Variants in GSE1 observed in about 807,000 individuals in gnomAD.
GSE1 encodes Gse1 coiled-coil protein.
GSE1 carries 32 observed loss-of-function variants against 112.6 expected under a neutral mutation model. The ratio of observed to expected loss-of-function variants is 0.28; its 90% confidence interval spans 0.21 to 0.38. GSE1 has a LOEUF of 0.38. GSE1 is among the 10% of genes least tolerant of loss of function. GSE1 has a pLI of 1.00. For missense variants in GSE1, 2,348 were observed against 1,699.2 expected (o/e 1.38, Z -6.71); for synonymous variants, 1,115 against 735.6 (o/e 1.52, Z -8.35).
At chr16:85,325,233 T>A in intron 1 of GSE1, among the ~76,000 whole-genome samples, 1 of 152,018 alleles carries the variant, frequency 6.6e-6, no homozygotes, top group Non-Finnish European at 1.5e-5. Flanking sequence ...TCTCTCAAAG[T>A]ACTTGGATTA....
At chr16:85,221,005 C>CA (rs1308127579) in intron 1 of GSE1, among the ~76,000 whole-genome samples, 2 of 151,170 alleles carry the variant, frequency 1.3e-5, no homozygotes, top group Non-Finnish European at 2.9e-5. Flanking sequence ...GGAGAACAGC[C>CA]AAGCCTTTGT....
chr16:85,663,257 T>C, intron 10 of GSE1, 87 bp from the exon 11 acceptor site: 1 of 1,473,506 alleles, frequency 6.8e-7, no homozygotes, highest in Non-Finnish European at 9.3e-7. Context: ...GGCCCACACT[T>C]CGAGGACCCC....
chr16:85,344,901 T>C (rs1468169348), intron 1 of GSE1, among the ~76,000 whole-genome samples: 5 of 152,264 alleles, frequency 3.3e-5, no homozygotes, highest in African/African-American at 1.2e-4. Flanking sequence ...TTCAGGCAGA[T>C]GCAGGTGACC....
In GSE1 at chr16:85,535,931, G is replaced by A. The variant is rs562734356; in HGVS notation, c.2465-97983G>A. Among the ~76,000 whole-genome samples, 20 of 152,352 alleles carry A rather than the reference G, an allele frequency of 1.3e-4. No individual in the cohort carries two copies. In the East Asian group the frequency reaches 1.5e-3, roughly 12 times the overall value. On this transcript the variant is annotated intron_variant, in intron 2 of 2. Transcript: ENST00000637419. ...TTCATTGGGCACCTGCTGTATACCCGGAAAGCATTTATTGAGCACCTGCCA... is the reference window on the plus strand; with the variant it reads ...TTCATTGGGCACCTGCTGTATACCCAGAAAGCATTTATTGAGCACCTGCCA...
At chr16:85,416,862 T>TG (rs1260947371) in intron 2 of GSE1, among the ~76,000 whole-genome samples, 8 of 151,852 alleles carry the variant, frequency 5.3e-5, no homozygotes, top group Non-Finnish European at 7.4e-5. Context: ...TTTGTTTGTT[T>TG]TTTTGTTTTT....
At chr16:85,502,698 A>G (rs369318977) in intron 2 of GSE1, among the ~76,000 whole-genome samples, 4 of 152,194 alleles carry the variant, frequency 2.6e-5, no homozygotes, top group Non-Finnish European at 5.9e-5. Context: ...GCCGACCTGC[A>G]GGGGAGCCTG....
intron 1 of GSE1, among the ~76,000 whole-genome samples, chr16:85,291,342 A>C (rs1373938149): frequency 6.6e-6 from 1 of 152,180 alleles, no homozygotes. Flanking sequence ...CCCGCTCTGC[A>C]GAAGGGCGCC....
chr16:85,551,504 G>A (rs900650820), upstream of GSE1, among the ~76,000 whole-genome samples: 5 of 152,346 alleles, frequency 3.3e-5, no homozygotes, highest in East Asian at 3.9e-4. Context: ...CCGCTACCCC[G>A]TTCAGCCACA....
chr16:85,221,862 G>A (rs1230234932), intron 1 of GSE1, among the ~76,000 whole-genome samples: 5 of 152,194 alleles, frequency 3.3e-5, no homozygotes, highest in African/African-American at 1.2e-4. Flanking sequence ...CCCGCTTGGA[G>A]CCCTCATGTT....
At chr16:85,672,350 G>A in intron 15 of GSE1, 55 bp from the exon 16 acceptor site, 3 of 1,415,668 alleles carry the variant, frequency 2.1e-6, no homozygotes, top group East Asian at 2.3e-5. Context: ...TACTCTACAT[G>A]CTTGTCCTTA....
intron 9 of GSE1, chr16:85,662,392 A>G (rs901479048): frequency 1.3e-5 from 2 of 153,594 alleles, no homozygotes; most frequent in Non-Finnish European, 2.9e-5. Context: ...GGTCCTGTCC[A>G]GTGCTGAGCT....
intron 1 of GSE1, among the ~76,000 whole-genome samples, chr16:85,563,349 C>G (rs2045607340): frequency 1.3e-5 from 2 of 152,180 alleles, no homozygotes; most frequent in African/African-American, 4.8e-5. Context: ...GAAAAAAAAT[C>G]AGTGAGAATT....
intron 1 of GSE1, chr16:85,283,560 G>A (rs370440707): frequency 1.0e-4 from 16 of 152,700 alleles, no homozygotes; most frequent in African/African-American, 3.6e-4. Context: ...AGCTGCCGGC[G>A]AGTGGGCTGG....
At chr16:85,478,964 TTTCCTTCCTTCCTTCC>T (rs59055887) in intron 2 of GSE1, among the ~76,000 whole-genome samples, 13 of 62,090 alleles carry the variant, frequency 2.1e-4, no homozygotes, top group African/African-American at 5.4e-4. Context: ...TCTTTCTTTC[TTTCCTTCCTTCCTTCC>T]TTCCTTCCTT....
At chr16:85,637,406 T>C (rs2050090587) in intron 2 of GSE1, among the ~76,000 whole-genome samples, 1 of 152,192 alleles carries the variant, frequency 6.6e-6, no homozygotes, top group Non-Finnish European at 1.5e-5. Context: ...GCCTTTCTGC[T>C]CCGTCCTGGA....
intron 2 of GSE1, among the ~76,000 whole-genome samples, chr16:85,543,232 C>T (rs996837864): frequency 6.7e-6 from 1 of 149,416 alleles, no homozygotes; most frequent in Non-Finnish European, 1.5e-5. Flanking sequence ...AAAAAAAAGT[C>T]TCCTTTGCCT....
intron 2 of GSE1, among the ~76,000 whole-genome samples, chr16:85,531,584 G>A (rs1262984722): frequency 6.6e-6 from 1 of 152,202 alleles, no homozygotes; most frequent in Non-Finnish European, 1.5e-5. Context: ...TACACAGAAT[G>A]TTCTGGAACA....
Position 85,654,878 on chromosome 16 carries a change from C to T in GSE1, c.684C>T (p.Thr228=), listed in dbSNP as rs142285041. Residue 228 remains threonine, a synonymous_variant, in exon 5 of 16, where the codon ACC becomes ACT. Coordinates refer to ENST00000253458, the MANE Select transcript of GSE1 (RefSeq NM_014615.5). ...GAAGCTTCCGGCCCTACCACACCAC[C>T]GACGACCTCCGCATGTCCTCACTGC... ...YLRSFRPYHT[T]DDLRMSSLPP... 120 of 1,611,430 alleles carry T rather than the reference C, an allele frequency of 7.4e-5. No homozygotes were observed. In the South Asian group the frequency reaches 7.8e-4, roughly 10 times the overall value.
Position 85,496,080 on chromosome 16 carries a change from C to A in GSE1, c.2465-137834C>A, listed in dbSNP as rs186028858. ...CTGGATCCCGGGTGCAGAATCCATC[C>A]GAGCACTCTGTATGGGGGCACAGCT... On this transcript the variant is annotated intron_variant, in intron 2 of 2. Coordinates refer to the GSE1 transcript ENST00000637419. Among the ~76,000 whole-genome samples, 60 of 152,308 alleles carry A rather than the reference C, an allele frequency of 3.9e-4. No homozygotes were observed. In the East Asian group the frequency reaches 8.1e-3, roughly 21 times the overall value.
Sources: gnomAD v4.1 joint callset for allele counts (sites outside exome capture counted in the v4.1 genomes callset) on GRCh38, gnomAD v4.1.1 for gene constraint, MANE v1.5 for transcripts, NCBI Gene and HGNC (gene_info 2026-07-23, HGNC 2026-07-21) for gene names.